FCF1: variants seen among roughly 807,000 people sequenced by gnomAD.
The protein encoded by FCF1 is FCF1 rRNA-processing protein.
A neutral mutation model predicts 32.5 loss-of-function variants in FCF1; 17 were observed. The observed-to-expected ratio is 0.52, with a 90% confidence interval of 0.36 to 0.78. The LOEUF (loss-of-function observed/expected upper bound fraction) is 0.78. FCF1 is among the 30% of genes least tolerant of loss of function. The probability of loss-of-function intolerance (pLI) is 0.00; values close to 1 mark genes in which losing one functional copy is unlikely to be tolerated. For missense variants in FCF1, 201 were observed against 241.1 expected, an observed-to-expected ratio of 0.83 and a Z score of 1.10; for synonymous variants, 84 against 78.4, an observed-to-expected ratio of 1.07 and a Z score of -0.38.
chr14:74,730,461 C>A (rs184998096), intron 5 of FCF1, among the ~76,000 whole-genome samples: 16 of 152,094 alleles, frequency 1.1e-4, no homozygotes, highest in Admixed American at 7.2e-4. Context: ...CGTCTGTAAT[C>A]CTGGCACTTA....
intron 1 of FCF1, 114 bp from the exon 2 acceptor site, chr14:74,713,371 G>C (rs912014126): frequency 6.5e-7 from 1 of 1,545,010 alleles, no homozygotes; most frequent in South Asian, 1.1e-5. Context: ...GAGTGGGGAA[G>C]AGGGTCTGGG....
In FCF1 at chr14:74,713,155, G is replaced by A. The variant is rs73301933; in HGVS notation, c.-43G>A. 7.1e-4 allele frequency: 1,154 copies of A among 1,614,144 alleles called. 11 individuals carry two copies. In the African/African-American group the frequency reaches 0.013, roughly 19 times the overall value. On this transcript the variant is annotated 5_prime_UTR_variant, in exon 1 of 8. Coordinates refer to ENST00000341162, the MANE Select transcript of FCF1 (RefSeq NM_015962.5). ...AGTATGTGAATGACGTAGAAGTATT[G>A]CGCCGTTGGTGATTACGGAAGAACC... is the stretch of plus-strand genomic sequence containing the variant.
At chr14:74,718,613 A>G (rs1157639153) in intron 4 of FCF1, among the ~76,000 whole-genome samples, 7 of 151,978 alleles carry the variant, frequency 4.6e-5, no homozygotes, top group Admixed American at 2.6e-4. Flanking sequence ...AGCTGGGATT[A>G]TAGGTGCATG....
At chr14:74,731,971 C>T in intron 5 of FCF1, among the ~76,000 whole-genome samples, 1 of 152,046 alleles carries the variant, frequency 6.6e-6, no homozygotes. Context: ...GCAAACAATA[C>T]AAGCATATAC....
At chr14:74,713,882 T>TG (rs2090372158) in intron 2 of FCF1, among the ~76,000 whole-genome samples, 1 of 152,074 alleles carries the variant, frequency 6.6e-6, no homozygotes, top group South Asian at 2.1e-4. Context: ...TCCCCTGGGG[T>TG]GGGGCGAGGG....
At chr14:74,715,343 C>CT (rs2090404288) in intron 3 of FCF1, among the ~76,000 whole-genome samples, 1 of 151,792 alleles carries the variant, frequency 6.6e-6, no homozygotes, top group Non-Finnish European at 1.5e-5. Flanking sequence ...TATTTCATTC[C>CT]TTTTAAGTAA....
chr14:74,719,581 CA>C (rs1206058817), intron 4 of FCF1, among the ~76,000 whole-genome samples: 2 of 151,832 alleles, frequency 1.3e-5, no homozygotes, highest in South Asian at 4.1e-4. Context: ...GCCAACATGG[CA>C]AAACCCTATC....
intron 6 of FCF1, 116 bp from the exon 7 acceptor site, chr14:74,733,960 G>A (rs1020826955): frequency 4.5e-5 from 30 of 668,196 alleles, no homozygotes; most frequent in South Asian, 3.1e-4. Flanking sequence ...CCTGCCCTTC[G>A]CTACTTACTG....
intron 4 of FCF1, among the ~76,000 whole-genome samples, chr14:74,720,967 C>T (rs2090493827): frequency 6.6e-6 from 1 of 151,380 alleles, no homozygotes; most frequent in Admixed American, 6.6e-5. Context: ...CAGCCTCTGC[C>T]TCCCGGGTTC....
At chr14:74,723,859 A>C (rs184622660) in intron 5 of FCF1, among the ~76,000 whole-genome samples, 343 of 152,256 alleles carry the variant, frequency 2.3e-3, no homozygotes, top group African/African-American at 7.7e-3. Context: ...AATACAGAGA[A>C]TATCTTAATG....
intron 5 of FCF1, among the ~76,000 whole-genome samples, chr14:74,726,827 G>C (rs1192302429): frequency 6.7e-6 from 1 of 149,500 alleles, no homozygotes; most frequent in East Asian, 2.0e-4. Flanking sequence ...TCATTGTTCA[G>C]TTCCCACCTA....
At chr14:74,732,964 AAGCAT>A in intron 6 of FCF1, 146 bp downstream of exon 6, 1 of 567,546 alleles carries the variant, frequency 1.8e-6, no homozygotes, top group Non-Finnish European at 3.1e-6. Context: ...CCTTCATAAG[AAGCAT>A]AGGTGTCTTC....
chr14:74,731,834 A>G (rs1653795431), intron 5 of FCF1, among the ~76,000 whole-genome samples: 1 of 152,084 alleles, frequency 6.6e-6, no homozygotes, highest in Non-Finnish European at 1.5e-5. Flanking sequence ...GCTGTCTTGT[A>G]TTTTTCTTCA....
At chr14:74,718,833 A>G (rs929214919) in intron 4 of FCF1, among the ~76,000 whole-genome samples, 5 of 152,120 alleles carry the variant, frequency 3.3e-5, no homozygotes, top group Admixed American at 2.6e-4. Flanking sequence ...CCTGGGCAAC[A>G]TAACGAGACC....
At chr14:74,716,891 C>A (rs541547028) in intron 4 of FCF1, among the ~76,000 whole-genome samples, 1 of 152,178 alleles carries the variant, frequency 6.6e-6, no homozygotes, top group East Asian at 1.9e-4. Flanking sequence ...TTAAAGGCTA[C>A]TATATAATGA....
intron 4 of FCF1, among the ~76,000 whole-genome samples, chr14:74,719,917 C>T (rs2090477720): frequency 6.6e-6 from 1 of 151,938 alleles, no homozygotes; most frequent in Non-Finnish European, 1.5e-5. Context: ...AGCACGCGGA[C>T]TACCTGAGGT....
At position 74,735,935 on chromosome 14, in the gene FCF1, C is replaced by T. The variant is rs1030901070; in HGVS notation, c.*1005C>T. 6.5e-6 allele frequency: 1 copy of T among 153,546 alleles called. No homozygotes were observed. The highest frequency in any genetic ancestry group is 1.9e-4 in the East Asian group (1 of 5,212). 9.5% of individuals were successfully genotyped at this position (153,546 alleles called of 1,614,324 possible). On this transcript the variant is annotated 3_prime_UTR_variant, in exon 8 of 8. Coordinates refer to ENST00000341162, the MANE Select transcript of FCF1 (RefSeq NM_015962.5). ...TTGTTTGTTTTGAGACGGAGTCTCG[C>T]TCTGTCACCAGGCTGGAGTGCAGTG...
At chr14:74,723,237 G>A (rs772162581) in intron 4 of FCF1, 35 bp from the exon 5 acceptor site, 14 of 1,505,598 alleles carry the variant, frequency 9.3e-6, no homozygotes, top group Non-Finnish European at 1.3e-5. Context: ...TTCGTTACAA[G>A]TTCTGTTCTT....
At chr14:74,715,287 A>G (rs540497911) in intron 3 of FCF1, among the ~76,000 whole-genome samples, 1 of 152,270 alleles carries the variant, frequency 6.6e-6, no homozygotes, top group African/African-American at 2.4e-5. Flanking sequence ...TTTTCAGAAT[A>G]AAGATATTTA....
Sources: gnomAD v4.1 joint callset for allele counts (sites outside exome capture counted in the v4.1 genomes callset) on GRCh38, gnomAD v4.1.1 for gene constraint, MANE v1.5 for transcripts, NCBI Gene and HGNC (gene_info 2026-07-23, HGNC 2026-07-21) for gene names.